The following TMC1 variants were observed in gnomAD, a reference collection of about 807,000 sequenced individuals.
TMC1 encodes transmembrane channel like 1.
In TMC1, 84 loss-of-function variants were observed where a neutral mutation model predicts 105.8. The observed-to-expected ratio is 0.79, with a 90% confidence interval of 0.67 to 0.95. The LOEUF (loss-of-function observed/expected upper bound fraction) is 0.95, where lower values mean the gene tolerates loss of function less well. Among genes scored for constraint, TMC1 ranks in the 40% least tolerant of loss-of-function variants. The pLI is 0.00. For synonymous variants in TMC1, 315 were observed against 311.5 expected (o/e 1.01, Z -0.12); for missense variants, 817 against 914.1 (o/e 0.89, Z 1.37).
At chr9:72,778,055 G>A (rs1249980827) in intron 13 of TMC1, among the ~76,000 whole-genome samples, 4 of 152,186 alleles carry the variant, frequency 2.6e-5, no homozygotes, top group African/African-American at 9.6e-5. Context: ...TGCCTCTGTG[G>A]TGCTCAGTTG....
chr9:72,797,400 C>T (rs1403588159), intron 17 of TMC1, among the ~76,000 whole-genome samples: 10 of 151,990 alleles, frequency 6.6e-5, no homozygotes, highest in African/African-American at 4.8e-5. Flanking sequence ...AAAAAGAGCT[C>T]GTATAGCCAA....
intron 8 of TMC1, among the ~76,000 whole-genome samples, chr9:72,719,759 A>G (rs1470884213): frequency 1.3e-5 from 2 of 152,340 alleles, no homozygotes; most frequent in Non-Finnish European, 2.9e-5. Flanking sequence ...TTTTTAACCA[A>G]TAACTCAACC....
chr9:72,761,762 A>G (rs1243221235), intron 12 of TMC1, among the ~76,000 whole-genome samples: 1 of 152,232 alleles, frequency 6.6e-6, no homozygotes, highest in Non-Finnish European at 1.5e-5. Flanking sequence ...AACTCTTTTC[A>G]GTAATAATGT....
rs141617987 is a variant in TMC1 at position 72,800,903 on chromosome 9, G to C, written c.1567-4479G>C. Among the ~76,000 whole-genome samples, 741 of 152,220 alleles carry C rather than the reference G, an allele frequency of 4.9e-3. 3 individuals are homozygous for C. Among genetic ancestry groups the C allele is most frequent in the African/African-American group, 0.017 (715 of 41,538 alleles). On this transcript the variant is annotated intron_variant, in intron 17 of 23. Transcript: ENST00000297784. ...CAAATCTGAGTGCTGGCAAGGTCTG[G>C]CCTTTAAGAGATCAATATCTGTATC...
intron 17 of TMC1, among the ~76,000 whole-genome samples, chr9:72,800,027 A>G (rs1588089325): frequency 6.6e-6 from 1 of 152,332 alleles, no homozygotes; most frequent in East Asian, 1.9e-4. Context: ...CAGAAACTGA[A>G]AAAGAAAGGA....
At chr9:72,665,659 C>G (rs1826031567) in intron 5 of TMC1, among the ~76,000 whole-genome samples, 1 of 152,184 alleles carries the variant, frequency 6.6e-6, no homozygotes, top group Non-Finnish European at 1.5e-5. Flanking sequence ...GACTCAGGCT[C>G]TAGTCAGGAG....
At chr9:72,645,834 T>G (rs1054225594) in intron 4 of TMC1, among the ~76,000 whole-genome samples, 3 of 152,208 alleles carry the variant, frequency 2.0e-5, no homozygotes, top group Non-Finnish European at 4.4e-5. Context: ...TTTTCCTTAG[T>G]TAATAATGTA....
intron 5 of TMC1, among the ~76,000 whole-genome samples, chr9:72,681,228 A>G (rs560810210): frequency 6.6e-6 from 1 of 152,266 alleles, no homozygotes; most frequent in East Asian, 1.9e-4. Context: ...GTGAAAGCAT[A>G]CACTCTGAAT....
At chr9:72,695,616 G>T (rs1232882760) in intron 7 of TMC1, among the ~76,000 whole-genome samples, 1 of 152,102 alleles carries the variant, frequency 6.6e-6, no homozygotes, top group Non-Finnish European at 1.5e-5. Context: ...AACTTTCTAA[G>T]ATGTCCTCCC....
chr9:72,834,792 C>T (rs1327904297), intron 23 of TMC1, among the ~76,000 whole-genome samples: 1 of 152,118 alleles, frequency 6.6e-6, no homozygotes, highest in African/African-American at 2.4e-5. Flanking sequence ...TTCATTTGTA[C>T]CAAGTGAAGC....
intron 5 of TMC1, among the ~76,000 whole-genome samples, chr9:72,657,588 G>T (rs1432782029): frequency 1.3e-5 from 2 of 152,000 alleles, no homozygotes; most frequent in Admixed American, 6.6e-5. Flanking sequence ...CTCAGTTCTG[G>T]TTTTTGCCAA....
intron 23 of TMC1, 152 bp from the exon 24 acceptor site, chr9:72,835,799 G>T: frequency 3.8e-6 from 3 of 782,550 alleles, no homozygotes; most frequent in Non-Finnish European, 6.1e-6. Context: ...AATATTATGG[G>T]AAAGTAGAGC....
At chr9:72,548,036 T>G (rs1823801187) in intron 1 of TMC1, among the ~76,000 whole-genome samples, 1 of 152,120 alleles carries the variant, frequency 6.6e-6, no homozygotes, top group South Asian at 2.1e-4. Flanking sequence ...TAATCCTATT[T>G]ATGAGCACTC....
intron 2 of TMC1, among the ~76,000 whole-genome samples, chr9:72,605,444 C>T (rs1299288518): frequency 6.6e-6 from 1 of 152,160 alleles, no homozygotes; most frequent in East Asian, 1.9e-4. Context: ...ACCAAGGTTT[C>T]CTCTGAGGTC....
chr9:72,697,671 T>C (rs913755622), intron 7 of TMC1, among the ~76,000 whole-genome samples: 1 of 152,136 alleles, frequency 6.6e-6, no homozygotes, highest in Non-Finnish European at 1.5e-5. Flanking sequence ...TTTCATTCTT[T>C]GGTGATGTTG....
chr9:72,646,973 CT>C (rs35985676), intron 4 of TMC1, among the ~76,000 whole-genome samples: 7,741 of 151,924 alleles, frequency 0.051, 236 homozygotes, highest in Non-Finnish European at 0.062. Context: ...GAAACTCCAT[CT>C]CTACTGAAAA....
intron 8 of TMC1, among the ~76,000 whole-genome samples, chr9:72,701,374 G>A (rs1037346258): frequency 6.6e-6 from 1 of 152,176 alleles, no homozygotes; most frequent in Non-Finnish European, 1.5e-5. Context: ...TATTCTGGGG[G>A]ATGGGAAGAT....
chr9:72,589,392 T>C (rs1824600685), intron 2 of TMC1, among the ~76,000 whole-genome samples: 1 of 152,252 alleles, frequency 6.6e-6, no homozygotes. Context: ...TTATACATAA[T>C]TCATCTTGCC....
At chr9:72,663,208 C>T (rs1825992615) in intron 5 of TMC1, among the ~76,000 whole-genome samples, 1 of 152,086 alleles carries the variant, frequency 6.6e-6, no homozygotes, top group Admixed American at 6.5e-5. Context: ...CTCAAGTCCA[C>T]TCCTTTTCTT....
Sources: allele counts gnomAD v4.1 joint callset (sites outside exome capture counted in the v4.1 genomes callset), GRCh38; gene constraint gnomAD v4.1.1; transcripts MANE v1.5; gene names NCBI Gene and HGNC (gene_info 2026-07-23, HGNC 2026-07-21).